The following NRK variants were observed in gnomAD, a reference collection of about 807,000 sequenced individuals.
NRK encodes Nik related kinase, also known as nik-related protein kinase.
A neutral mutation model predicts 125.2 loss-of-function variants in NRK; 67 were observed. The observed-to-expected ratio is 0.54, with a 90% confidence interval of 0.44 to 0.66. NRK has a LOEUF of 0.66. Among genes scored for constraint, NRK ranks in the 30% least tolerant of loss-of-function variants. The pLI, the probability that NRK is intolerant of heterozygous loss-of-function variation, is 0.00. For missense variants in NRK, 1,224 were observed against 1,192.9 expected, an observed-to-expected ratio of 1.03 and a Z score of -0.38; for synonymous variants, 458 against 429.0, an observed-to-expected ratio of 1.07 and a Z score of -0.84.
intron 1 of NRK, among the ~76,000 whole-genome samples, chrX:105,829,530 AT>A (rs1251867746): frequency 8.9e-6 from 1 of 112,161 alleles, no homozygotes; most frequent in Admixed American, 9.4e-5. Flanking sequence ...TTTTGCTAAA[AT>A]AGCAAAATAG....
intron 2 of NRK, among the ~76,000 whole-genome samples, chrX:105,836,144 C>T (rs2039262400): frequency 9.0e-6 from 1 of 111,670 alleles, no homozygotes; most frequent in Non-Finnish European, 1.9e-5. Flanking sequence ...TGAGACTTCT[C>T]TATAGATTGA....
At chrX:105,835,652 C>G (rs746170337) in intron 2 of NRK, among the ~76,000 whole-genome samples, 1 of 108,405 alleles carries the variant, frequency 9.2e-6, no homozygotes, top group Non-Finnish European at 1.9e-5. Flanking sequence ...TTACCTTTCC[C>G]CAGCTGCAGT....
At chrX:105,951,378 A>C (rs1386096531) in intron 27 of NRK, among the ~76,000 whole-genome samples, 1 of 110,998 alleles carries the variant, frequency 9.0e-6, no homozygotes, top group Non-Finnish European at 1.9e-5. Context: ...GACCTAAAAC[A>C]AAAAAAAGCT....
intron 19 of NRK, among the ~76,000 whole-genome samples, chrX:105,926,641 C>A (rs1304353008): frequency 9.0e-6 from 1 of 111,291 alleles, no homozygotes; most frequent in East Asian, 2.8e-4. Flanking sequence ...ACATTTAAGT[C>A]TCTAATCTAT....
chrX:105,910,008 T>A, intron 13 of NRK, 126 bp downstream of exon 13: 1 of 488,957 alleles, frequency 2.0e-6, no homozygotes, highest in Non-Finnish European at 3.2e-6. Flanking sequence ...GAAGATATAC[T>A]AAATAATTTG....
intron 2 of NRK, among the ~76,000 whole-genome samples, chrX:105,840,770 A>G (rs1359500162): frequency 9.1e-6 from 1 of 110,364 alleles, no homozygotes; most frequent in Non-Finnish European, 1.9e-5. Flanking sequence ...AGAAGTAATA[A>G]TGTACTTTTT....
intron 2 of NRK, among the ~76,000 whole-genome samples, chrX:105,863,211 G>A (rs2039624134): frequency 9.0e-6 from 1 of 111,037 alleles, no homozygotes; most frequent in South Asian, 3.8e-4. Context: ...CAGAAGGTAC[G>A]AAGGCAGTTG....
In NRK at chrX:105,888,059, T is replaced by C. The variant is rs770819704; in HGVS notation, c.253-235T>C. ...GCCAGTGCCGCTGGTCCAGGGACCA[T>C]ACCTTAAGAACCACTGAACTAAACG... On this transcript the variant is annotated intron_variant, in intron 4 of 28. Transcript: ENST00000243300. Among the ~76,000 whole-genome samples, 3 of 112,511 alleles carry C rather than the reference T, an allele frequency of 2.7e-5. No homozygotes were observed. The South Asian group carries it at 1.1e-3, about 42-fold the overall frequency.
At chrX:105,910,989 T>C (rs1420780653) in intron 13 of NRK, among the ~76,000 whole-genome samples, 1 of 111,590 alleles carries the variant, frequency 9.0e-6, no homozygotes, top group Non-Finnish European at 1.9e-5. Context: ...TACGTGAGTC[T>C]AGGAAAATAG....
intron 26 of NRK, chrX:105,948,598 T>G (rs1413969896): frequency 1.9e-5 from 9 of 474,210 alleles, no homozygotes; most frequent in Non-Finnish European, 3.3e-5. Context: ...TGCAATTTCT[T>G]TTACTCTCTT....
At chrX:105,874,275 A>G (rs1428282440) in intron 2 of NRK, among the ~76,000 whole-genome samples, 2 of 112,261 alleles carry the variant, frequency 1.8e-5, no homozygotes, top group Admixed American at 9.5e-5. Context: ...GCCCAAAGGC[A>G]GAGGACAGAC....
At chrX:105,838,623 G>A (rs1216792452) in intron 2 of NRK, among the ~76,000 whole-genome samples, 3 of 111,531 alleles carry the variant, frequency 2.7e-5, no homozygotes, top group Non-Finnish European at 5.7e-5. Context: ...AACTTCTACA[G>A]TTGGGCATAC....
intron 1 of NRK, among the ~76,000 whole-genome samples, chrX:105,823,121 G>A (rs1428432918): frequency 8.8e-6 from 1 of 113,011 alleles, no homozygotes; most frequent in African/African-American, 3.2e-5. Flanking sequence ...CGGGGCGGTG[G>A]GAAGGAGAGA....
chrX:105,901,462 T>G (rs918992214), intron 9 of NRK, among the ~76,000 whole-genome samples: 3 of 111,486 alleles, frequency 2.7e-5, no homozygotes, highest in Admixed American at 1.9e-4. Context: ...TGTAAAGTAA[T>G]GCCTTCTGGG....
intron 7 of NRK, among the ~76,000 whole-genome samples, chrX:105,898,347 A>G (rs936172973): frequency 1.8e-5 from 2 of 111,617 alleles, no homozygotes; most frequent in African/African-American, 6.5e-5. Flanking sequence ...ATGGTAAACA[A>G]TCAGCCAAAC....
At chrX:105,822,944 T>C (rs1297080324) in intron 1 of NRK, 42 bp downstream of exon 1, 1 of 1,073,640 alleles carries the variant, frequency 9.3e-7, no homozygotes, top group South Asian at 2.1e-5. Flanking sequence ...TGCTCTCTTT[T>C]GGCGGGTTCT....
In NRK at chrX:105,915,732, T is replaced by C. The variant is rs761937676; in HGVS notation, c.2352T>C (p.Val784=). 5 of 1,122,992 alleles carry C rather than the reference T, an allele frequency of 4.5e-6. No individual in the cohort carries two copies. In the South Asian group the frequency reaches 9.3e-5, roughly 21 times the overall value. 92.5% of individuals were successfully genotyped at this position (1,122,992 alleles called of 1,213,427 possible). A position where few individuals can be genotyped will look rare whatever the true frequency, so the allele number is the denominator to read the frequency against. ...PYISNPKKIE[V]QERSPSVPNN... ...AAGTATTGCATTGTGTCTTTAAGGTTCAAGAGAGATCTCCTTCTGTGCCTA... is the reference window on the plus strand; with the variant it reads ...AAGTATTGCATTGTGTCTTTAAGGTCCAAGAGAGATCTCCTTCTGTGCCTA... Residue 784 remains valine, a splice_region_variant and synonymous_variant, in exon 15 of 29, where the codon GTT becomes GTC. Coordinates refer to ENST00000243300, the MANE Select transcript of NRK (RefSeq NM_198465.4).
Position 105,892,716 on chromosome X carries a change from G to A in NRK, c.379-1116G>A, listed in dbSNP as rs187500763. On this transcript the variant is annotated intron_variant, in intron 5 of 28. Transcript: ENST00000243300. ...AACTTTTTGTGGCTTATCTGTTTTC[G>A]TTTTGTTTGGCTGTCTCTTCTTCTT... 9.9e-5 allele frequency among the ~76,000 whole-genome samples: 11 copies of A among 111,527 alleles called. No homozygotes were observed. The East Asian group carries it at 1.4e-3, about 14-fold the overall frequency.
chrX:105,953,234 A>C (rs2040925730), intron 28 of NRK, 61 bp downstream of exon 28: 1 of 898,187 alleles, frequency 1.1e-6, no homozygotes, highest in African/African-American at 2.0e-5. Flanking sequence ...TGAACCAACA[A>C]AAGAAATTTC....
Sources: gnomAD v4.1 joint callset for allele counts (sites outside exome capture counted in the v4.1 genomes callset) on GRCh38, gnomAD v4.1.1 for gene constraint, MANE v1.5 for transcripts, NCBI Gene and HGNC (gene_info 2026-07-23, HGNC 2026-07-21) for gene names.